MARCHF1: variants seen among roughly 807,000 people sequenced by gnomAD.
The protein encoded by MARCHF1 is E3 ubiquitin-protein ligase MARCHF1.
Under a neutral mutation model 54.2 loss-of-function variants are expected in MARCHF1, and 40 were observed. The ratio of observed to expected loss-of-function variants is 0.74; its 90% CI spans 0.57 to 0.96. MARCHF1 has a LOEUF of 0.96. Ranked by LOEUF, MARCHF1 falls within the 40% of genes least tolerant of loss-of-function variation. The probability of loss-of-function intolerance (pLI) is 0.00; values close to 1 mark genes in which losing one functional copy is unlikely to be tolerated. For synonymous variants in MARCHF1, 236 were observed against 236.3 expected, an observed-to-expected ratio of 1.00 and a Z score of 0.01; for missense variants, 586 against 656.5, an observed-to-expected ratio of 0.89 and a Z score of 1.17.
chr4:163,718,649 G>C (rs1745339948), intron 4 of MARCHF1, among the ~76,000 whole-genome samples: 1 of 152,104 alleles, frequency 6.6e-6, no homozygotes, highest in South Asian at 2.1e-4. Context: ...GTTGTATATT[G>C]ATTATGACTC....
chr4:163,550,239 G>C (rs56724355), intron 8 of MARCHF1, among the ~76,000 whole-genome samples: 3 of 144,046 alleles, frequency 2.1e-5, no homozygotes, highest in Non-Finnish European at 4.5e-5. Context: ...CCGAGATCGC[G>C]CCACTGCACT....
intron 8 of MARCHF1, among the ~76,000 whole-genome samples, chr4:163,570,508 T>C (rs114132442): frequency 1.5e-3 from 231 of 152,202 alleles, no homozygotes; most frequent in African/African-American, 5.4e-3. Context: ...AACAACTACA[T>C]GGTGGGGAGG....
intron 2 of MARCHF1, among the ~76,000 whole-genome samples, chr4:164,057,489 G>A (rs902988582): frequency 6.6e-6 from 1 of 152,176 alleles, no homozygotes; most frequent in African/African-American, 2.4e-5. Context: ...AATTCTGGCT[G>A]ACAACATATA....
At chr4:164,345,834 T>C (rs925369336) in intron 1 of MARCHF1, among the ~76,000 whole-genome samples, 3 of 152,028 alleles carry the variant, frequency 2.0e-5, no homozygotes, top group African/African-American at 4.8e-5. Flanking sequence ...TTCCAACACT[T>C]AAGCACTCCT....
chr4:163,855,800 C>T (rs1280909261), intron 3 of MARCHF1, among the ~76,000 whole-genome samples: 1 of 152,054 alleles, frequency 6.6e-6, no homozygotes, highest in East Asian at 1.9e-4. Context: ...GTAAAGGTAG[C>T]CAACTTCTTA....
At chr4:164,296,189 G>A (rs1734405705) in intron 1 of MARCHF1, among the ~76,000 whole-genome samples, 1 of 152,122 alleles carries the variant, frequency 6.6e-6, no homozygotes, top group Admixed American at 6.5e-5. Context: ...CTCAAAACCA[G>A]TGTCACCAAA....
intron 4 of MARCHF1, among the ~76,000 whole-genome samples, chr4:163,833,233 C>T (rs1749081538): frequency 6.6e-6 from 1 of 152,104 alleles, no homozygotes; most frequent in Non-Finnish European, 1.5e-5. Context: ...CCTATTTTTC[C>T]ACATCCTCTC....
chr4:164,144,146 T>C (rs1036172824), intron 1 of MARCHF1, among the ~76,000 whole-genome samples: 1 of 151,320 alleles, frequency 6.6e-6, no homozygotes, highest in African/African-American at 2.4e-5. Flanking sequence ...ATGCACCCAA[T>C]ACAGGAGCAC....
At chr4:164,163,562 A>G (rs943633506) in intron 1 of MARCHF1, among the ~76,000 whole-genome samples, 26 of 152,018 alleles carry the variant, frequency 1.7e-4, no homozygotes, top group African/African-American at 5.8e-4. Flanking sequence ...CAATTAATAT[A>G]AAAAAGACAG....
chr4:163,638,021 T>G (rs1742405562), intron 5 of MARCHF1, among the ~76,000 whole-genome samples: 1 of 146,118 alleles, frequency 6.8e-6, no homozygotes, highest in Admixed American at 7.2e-5. Context: ...ATTTTCTCAC[T>G]CATAGGTGGG....
Position 163,854,163 on chromosome 4 carries a change from T to G in MARCHF1, c.-32A>C. On this transcript the variant is annotated 5_prime_UTR_variant, in exon 4 of 10. Transcript: ENST00000514618. ...CTTCCTCTTATCCCTTTTCAATTTC[T>G]GAAATTCTGAAAATAATTTACATTC... The G allele has an allele frequency of 6.6e-7, 1 of 1,505,952 alleles. No homozygotes were observed. The highest frequency in any genetic ancestry group is 1.4e-5 in the African/African-American group (1 of 72,164). 93.3% of individuals were successfully genotyped at this position (1,505,952 alleles called of 1,614,324 possible).
chr4:164,228,543 G>T (rs1203381486), intron 1 of MARCHF1, among the ~76,000 whole-genome samples: 1 of 152,162 alleles, frequency 6.6e-6, no homozygotes, highest in Non-Finnish European at 1.5e-5. Flanking sequence ...AACGTATAAT[G>T]TTGAGAAAAA....
intron 1 of MARCHF1, among the ~76,000 whole-genome samples, chr4:164,191,557 G>A (rs1463824565): frequency 1.3e-5 from 2 of 152,154 alleles, no homozygotes; most frequent in Non-Finnish European, 2.9e-5. Flanking sequence ...ATGCAAGTTT[G>A]AATGATGGCT....
intron 2 of MARCHF1, among the ~76,000 whole-genome samples, chr4:164,026,922 T>A (rs1355332485): frequency 2.0e-5 from 3 of 152,014 alleles, no homozygotes; most frequent in Non-Finnish European, 4.4e-5. Context: ...CAAAAATCAG[T>A]AGCATTTCTG....
At chr4:163,893,354 G>T (rs973021516) in intron 3 of MARCHF1, among the ~76,000 whole-genome samples, 5 of 152,216 alleles carry the variant, frequency 3.3e-5, no homozygotes, top group East Asian at 1.9e-4. Flanking sequence ...GGCCAGAAGG[G>T]TCTCGAACTC....
chr4:163,948,146 ACAAGGGCACAAAACAT>A (rs1362460037), intron 3 of MARCHF1, among the ~76,000 whole-genome samples: 1 of 152,016 alleles, frequency 6.6e-6, no homozygotes, highest in African/African-American at 2.4e-5. Context: ...TCTGATGACA[ACAAGGGCACAAAACAT>A]GCATTTTAAA....
chr4:164,301,688 A>G (rs910395660), intron 1 of MARCHF1, among the ~76,000 whole-genome samples: 1 of 152,216 alleles, frequency 6.6e-6, no homozygotes, highest in African/African-American at 2.4e-5. Flanking sequence ...GTGAGCAGAT[A>G]AAGTGTCAAA....
chr4:164,322,842 G>T (rs1158508935), intron 1 of MARCHF1, among the ~76,000 whole-genome samples: 2 of 151,870 alleles, frequency 1.3e-5, no homozygotes, highest in Non-Finnish European at 1.5e-5. Context: ...ACCTACACAG[G>T]TAAAGTAATA....
At chr4:164,323,043 T>C (rs1452624107) in intron 1 of MARCHF1, among the ~76,000 whole-genome samples, 4 of 151,980 alleles carry the variant, frequency 2.6e-5, no homozygotes, top group Non-Finnish European at 1.5e-5. Flanking sequence ...TTAATAGCTA[T>C]ATATAGAACT....
Sources: gnomAD v4.1 joint callset for allele counts (sites outside exome capture counted in the v4.1 genomes callset) on GRCh38, gnomAD v4.1.1 for gene constraint, MANE v1.5 for transcripts, NCBI Gene and HGNC (gene_info 2026-07-23, HGNC 2026-07-21) for gene names.